PRKAR2B: variants seen among roughly 807,000 people sequenced by gnomAD.
PRKAR2B encodes protein kinase cAMP-dependent type II regulatory subunit beta, also known as cAMP-dependent protein kinase type II-beta regulatory subunit.
A neutral mutation model predicts 49.9 loss-of-function variants in PRKAR2B; 14 were observed. That is an observed-to-expected ratio of 0.28 (90% CI 0.19 to 0.44). The LOEUF (loss-of-function observed/expected upper bound fraction) is 0.44. Among genes scored for constraint, PRKAR2B ranks in the 20% least tolerant of loss-of-function variants. The pLI is 1.00. For synonymous variants in PRKAR2B, 196 were observed against 197.7 expected, an observed-to-expected ratio of 0.99 and a Z score of 0.07; for missense variants, 393 against 537.9, an observed-to-expected ratio of 0.73 and a Z score of 2.67.
chr7:107,094,921 G>C (rs1332047605), intron 2 of PRKAR2B, among the ~76,000 whole-genome samples: 1 of 152,198 alleles, frequency 6.6e-6, no homozygotes, highest in Non-Finnish European at 1.5e-5. Flanking sequence ...TTGTAGGATA[G>C]TTTGAAGTCA....
chr7:107,107,533 A>G (rs1390597321), intron 2 of PRKAR2B, among the ~76,000 whole-genome samples: 1 of 152,034 alleles, frequency 6.6e-6, no homozygotes, highest in Non-Finnish European at 1.5e-5. Flanking sequence ...GATCTCTGCT[A>G]GACAGTAGTA....
chr7:107,156,100 T>C (rs1796082232), intron 8 of PRKAR2B, among the ~76,000 whole-genome samples: 3 of 152,020 alleles, frequency 2.0e-5, no homozygotes, highest in Admixed American at 1.3e-4. Flanking sequence ...CACCGGGGCC[T>C]GTCAGGGGGT....
At chr7:107,073,415 A>G (rs1192276883) in intron 2 of PRKAR2B, among the ~76,000 whole-genome samples, 1 of 152,220 alleles carries the variant, frequency 6.6e-6, no homozygotes, top group Non-Finnish European at 1.5e-5. Flanking sequence ...AATTCCTAGC[A>G]TCTTAAGAGT....
At chr7:107,097,837 C>T (rs1047307246) in intron 2 of PRKAR2B, among the ~76,000 whole-genome samples, 33 of 152,210 alleles carry the variant, frequency 2.2e-4, no homozygotes, top group African/African-American at 7.7e-4. Flanking sequence ...GAATATTGGC[C>T]CCCATTCTCT....
intron 2 of PRKAR2B, among the ~76,000 whole-genome samples, chr7:107,080,210 C>T (rs1794489765): frequency 6.6e-6 from 1 of 152,032 alleles, no homozygotes; most frequent in Non-Finnish European, 1.5e-5. Flanking sequence ...GGTCCAGATG[C>T]CAGTGTGGGG....
chr7:107,045,272 C>T lies in PRKAR2B; in HGVS notation c.307+58C>T. 4 of 1,348,622 alleles carry T rather than the reference C, an allele frequency of 3.0e-6. No homozygotes were observed. The Admixed American group carries it at 1.2e-4, about 40-fold the overall frequency. The allele number at this position is 1,348,622 out of a possible 1,614,324, so 83.5% of individuals were successfully genotyped here. ...GATCCCCTCGCTGCCCCCCACCGCT[C>T]CCCGCTGTGCTCTCGGATCTTGCCG... On this transcript the variant is annotated intron_variant, in intron 1 of 10. Transcript: ENST00000265717.
chr7:107,049,137 A>G (rs909351302), intron 1 of PRKAR2B, among the ~76,000 whole-genome samples: 1 of 152,252 alleles, frequency 6.6e-6, no homozygotes, highest in Non-Finnish European at 1.5e-5. Context: ...GGCATCATCA[A>G]GAGATCTTGT....
At chr7:107,094,515 G>A (rs1794797997) in intron 2 of PRKAR2B, among the ~76,000 whole-genome samples, 1 of 152,190 alleles carries the variant, frequency 6.6e-6, no homozygotes, top group Non-Finnish European at 1.5e-5. Context: ...AGTTTACTTA[G>A]ATGGCACTTG....
At chr7:107,052,818 G>A (rs566011316) in intron 1 of PRKAR2B, among the ~76,000 whole-genome samples, 5 of 152,186 alleles carry the variant, frequency 3.3e-5, no homozygotes, top group African/African-American at 9.6e-5. Context: ...TAGAAACTCA[G>A]TACATTTGTT....
chr7:107,140,772 AAT>A, intron 4 of PRKAR2B, 73 bp from the exon 5 acceptor site: 1 of 1,071,858 alleles, frequency 9.3e-7, no homozygotes, highest in Non-Finnish European at 1.4e-6. Context: ...TGTTCACAGA[AAT>A]ATAACTGTGG....
intron 10 of PRKAR2B, among the ~76,000 whole-genome samples, chr7:107,158,415 T>G (rs1430337012): frequency 6.6e-6 from 1 of 152,234 alleles, no homozygotes; most frequent in Non-Finnish European, 1.5e-5. Context: ...CTTCTTGTCC[T>G]TTTTATTTGT....
intron 2 of PRKAR2B, among the ~76,000 whole-genome samples, chr7:107,100,849 T>A (rs917391453): frequency 1.3e-5 from 2 of 151,944 alleles, no homozygotes; most frequent in African/African-American, 4.8e-5. Context: ...AATTTCTCTC[T>A]TTATTGAGAT....
intron 1 of PRKAR2B, among the ~76,000 whole-genome samples, chr7:107,053,525 A>AGAGTGT (rs367934743): frequency 7.0e-6 from 1 of 141,892 alleles, no homozygotes. Context: ...GATTATAAAG[A>AGAGTGT]GTGTGTGTGT....
intron 2 of PRKAR2B, among the ~76,000 whole-genome samples, chr7:107,102,016 A>C (rs532174936): frequency 6.6e-6 from 1 of 151,984 alleles, no homozygotes; most frequent in African/African-American, 2.4e-5. Context: ...CAGGAGATCA[A>C]CAAGACTCAC....
chr7:107,148,039 T>G lies in PRKAR2B; in HGVS notation c.741+1578T>G, dbSNP rs566200423. On this transcript the variant is annotated intron_variant, in intron 6 of 10. Transcript: ENST00000265717. ...TTATTTAAAAATGTGATGAGTCACT[T>G]TTTTAAGGTTTAGAGGAAAAGCTGA... Among the ~76,000 whole-genome samples, 84 of 152,338 alleles carry G rather than the reference T, an allele frequency of 5.5e-4. No individual in the cohort carries two copies. In the South Asian group the frequency reaches 0.011, roughly 20 times the overall value.
At chr7:107,117,122 A>C (rs913220020) in intron 2 of PRKAR2B, among the ~76,000 whole-genome samples, 5 of 145,892 alleles carry the variant, frequency 3.4e-5, no homozygotes, top group Non-Finnish European at 5.9e-5. Flanking sequence ...CTGTTTATGT[A>C]TTGAACGTAT....
intron 2 of PRKAR2B, among the ~76,000 whole-genome samples, chr7:107,112,703 T>A (rs925666225): frequency 3.9e-5 from 6 of 152,198 alleles, no homozygotes; most frequent in Non-Finnish European, 5.9e-5. Flanking sequence ...GAAGAAATGC[T>A]TATTACGTTT....
At chr7:107,152,314 T>C (rs563981478) in intron 7 of PRKAR2B, among the ~76,000 whole-genome samples, 7 of 152,270 alleles carry the variant, frequency 4.6e-5, no homozygotes, top group African/African-American at 7.2e-5. Flanking sequence ...TCATCATCTC[T>C]CTGTTGACAC....
At chr7:107,047,186 A>T (rs1793714666) in intron 1 of PRKAR2B, among the ~76,000 whole-genome samples, 1 of 152,244 alleles carries the variant, frequency 6.6e-6, no homozygotes. Flanking sequence ...TTTGATCATT[A>T]TCCAGGAGGC....
Sources: gnomAD v4.1 joint callset for allele counts (sites outside exome capture counted in the v4.1 genomes callset) on GRCh38, gnomAD v4.1.1 for gene constraint, MANE v1.5 for transcripts, NCBI Gene and HGNC (gene_info 2026-07-23, HGNC 2026-07-21) for gene names.